ITGB6: variants seen among roughly 807,000 people sequenced by gnomAD.
The protein encoded by ITGB6 is integrin beta-6.
A neutral mutation model predicts 84.5 loss-of-function variants in ITGB6; 80 were observed. The observed-to-expected ratio is 0.95, with a 90% CI of 0.79 to 1.14. The LOEUF is 1.14. Ranked by LOEUF, ITGB6 falls within the 50% of genes most tolerant of loss-of-function variation. The pLI is 0.00. For synonymous variants in ITGB6, 383 were observed against 354.9 expected (o/e 1.08, Z -0.89); for missense variants, 1,006 against 968.0 (o/e 1.04, Z -0.52).
At chr2:160,175,411 C>A (rs1685379986) in intron 4 of ITGB6, among the ~76,000 whole-genome samples, 1 of 152,166 alleles carries the variant, frequency 6.6e-6, no homozygotes, top group Admixed American at 6.5e-5. Flanking sequence ...AACAAAAAAA[C>A]CCAAAACAAA....
At chr2:160,199,869 A>G (rs1686488849) in intron 1 of ITGB6, 134 bp downstream of exon 1, 8 of 679,404 alleles carry the variant, frequency 1.2e-5, no homozygotes, top group Middle Eastern at 2.8e-4. Flanking sequence ...GTAATTTGTT[A>G]AAGTGTTCAC....
At chr2:160,135,370 A>C (rs1440184818) in intron 10 of ITGB6, among the ~76,000 whole-genome samples, 3 of 151,320 alleles carry the variant, frequency 2.0e-5, no homozygotes, top group African/African-American at 7.3e-5. Context: ...CTCTTCAAGG[A>C]GAACTACAAA....
intron 4 of ITGB6, among the ~76,000 whole-genome samples, chr2:160,189,106 G>A (rs1485415125): frequency 2.0e-5 from 3 of 152,104 alleles, no homozygotes; most frequent in Non-Finnish European, 4.4e-5. Context: ...ATGGGGAAAG[G>A]ATTCCCTATT....
In ITGB6 at chr2:160,196,248, G is replaced by T; in HGVS notation, c.314C>A (p.Ala105Glu). The change falls in exon 3 of 15, where the codon GCG (alanine) becomes GAG (glutamate). Residue 105 changes from alanine to glutamate, a missense_variant. Coordinates refer to ENST00000283249, the MANE Select transcript of ITGB6 (RefSeq NM_000888.5). ...QKNSSDIVQIAPQSLILKLRP... is the reference protein window; with the variant it reads ...QKNSSDIVQIEPQSLILKLRP... The stretch of plus-strand genomic sequence containing the variant: ...CAACTTAAGGATCAAGCTTTGAGGC[G>T]CAATCTGAACAATGTCAGAACTATT... The T allele has an allele frequency of 1.2e-6, 2 of 1,613,870 alleles. No homozygotes were observed. Among genetic ancestry groups the T allele is most frequent in the Non-Finnish European group, 1.7e-6 (2 of 1,179,888 alleles).
At chr2:160,187,979 G>GA (rs1396915239) in intron 4 of ITGB6, among the ~76,000 whole-genome samples, 1 of 152,082 alleles carries the variant, frequency 6.6e-6, no homozygotes, top group Non-Finnish European at 1.5e-5. Context: ...ATGAGAGCGA[G>GA]AAAAAATTAA....
chr2:160,189,620 C>T (rs1686056077), intron 4 of ITGB6, among the ~76,000 whole-genome samples: 1 of 152,090 alleles, frequency 6.6e-6, no homozygotes, highest in South Asian at 2.1e-4. Flanking sequence ...TCATCACTGG[C>T]CATCAGAGAA....
At position 160,174,116 on chromosome 2, in the gene ITGB6, G is replaced by C; in HGVS notation, c.617C>G (p.Pro206Arg). The change falls in exon 5 of 15, where the codon CCT becomes CGT. Residue 206 changes from proline (P) to arginine (R), a missense_variant. Pro to Arg is a moderately radical substitution (Grantham distance 103, BLOSUM62 -2). Coordinates refer to ENST00000283249, the MANE Select transcript of ITGB6 (RefSeq NM_000888.5). ...CAAAATGTGCTTGAATCCAAATGTA[G>C]GTAAACAGAAGTATGGAATACTACT... ...PCSSIPYFCL[P>R]TFGFKHILPL... 1.9e-6 allele frequency: 3 copies of C among 1,609,084 alleles called. No homozygotes were observed. Among genetic ancestry groups the C allele is most frequent in the African/African-American group, 1.3e-5 (1 of 74,828 alleles).
At chr2:160,183,263 C>T (rs770927992) in intron 4 of ITGB6, among the ~76,000 whole-genome samples, 10 of 152,006 alleles carry the variant, frequency 6.6e-5, no homozygotes, top group South Asian at 2.1e-4. Flanking sequence ...TACAAAGACA[C>T]GCATGGGCTC....
chr2:160,178,688 C>CTTTTTT (rs746675372), intron 4 of ITGB6, among the ~76,000 whole-genome samples: 4 of 103,746 alleles, frequency 3.9e-5, no homozygotes, highest in African/African-American at 1.0e-4. Flanking sequence ...CTCTCTCTCT[C>CTTTTTT]TTTTTTTTTT....
chr2:160,199,400 A>G, intron 1 of ITGB6, 142 bp from the exon 2 acceptor site: 1 of 605,600 alleles, frequency 1.7e-6, no homozygotes, highest in Non-Finnish European at 3.0e-6. Context: ...AAATGTTAGC[A>G]ATTCACATAA....
intron 14 of ITGB6, among the ~76,000 whole-genome samples, chr2:160,103,858 T>C (rs75229896): frequency 0.034 from 5,248 of 152,220 alleles, 137 homozygotes; most frequent in South Asian, 0.077. Flanking sequence ...AGGGCCAGCT[T>C]AGAGCTCCGT....
intron 6 of ITGB6, among the ~76,000 whole-genome samples, chr2:160,172,163 T>C (rs550171557): frequency 1.5e-4 from 23 of 152,368 alleles, no homozygotes; most frequent in African/African-American, 5.3e-4. Flanking sequence ...GACTAGTTGT[T>C]ACCCATGGAA....
chr2:160,108,252 T>TGTGTGTGC (rs1440154947), intron 13 of ITGB6, among the ~76,000 whole-genome samples: 17 of 148,186 alleles, frequency 1.1e-4, no homozygotes, highest in African/African-American at 3.9e-4. Context: ...TGTGTGTGTG[T>TGTGTGTGC]GTGCTGCATG....
In ITGB6 at chr2:160,138,344, A is replaced by G. The variant is rs1683856855; in HGVS notation, c.1108-145T>C. ...GAAATTCAGTATATCATCAATCAAA[A>G]GCAAGAAAGTGAGCAATCATATATA... On this transcript the variant is annotated intron_variant, in intron 8 of 14. Transcript: ENST00000283249. The G allele has an allele frequency of 4.2e-6, 3 of 707,278 alleles. No homozygotes were observed. The East Asian group carries it at 8.3e-5, about 20-fold the overall frequency. The allele number at this position is 707,278 out of a possible 1,614,324, so 43.8% of individuals were successfully genotyped here.
At chr2:160,163,830 T>C (rs1269350826) in intron 7 of ITGB6, among the ~76,000 whole-genome samples, 4 of 152,186 alleles carry the variant, frequency 2.6e-5, no homozygotes, top group Non-Finnish European at 5.9e-5. Flanking sequence ...GGAGTTTAAA[T>C]GATAAAATGA....
At chr2:160,161,008 A>G (rs899919989) in intron 7 of ITGB6, among the ~76,000 whole-genome samples, 2 of 152,214 alleles carry the variant, frequency 1.3e-5, no homozygotes, top group Admixed American at 6.5e-5. Flanking sequence ...CAGGCATAAG[A>G]AAATGAATAC....
Position 160,101,817 on chromosome 2 carries a change from G to T in ITGB6, c.2286C>A (p.Tyr762Ter). The stretch of plus-strand genomic sequence containing the variant: ...TTTTAAAAGTACTTGTGGATCCTCT[G>T]TAGAGTGGATTGGTTCCCTGGAAAA... ...AKWQTGTNPL[Y>*]RGSTSTFKNV... Residue 762 changes from tyrosine to a stop codon, truncating the protein, a stop_gained, in exon 15 of 15, where the codon TAC becomes TAA. Transcript: ENST00000283249. LOFTEE classifies it high-confidence loss of function. The T allele has an allele frequency of 6.4e-7, 1 of 1,568,350 alleles. No homozygotes were observed. The highest frequency in any genetic ancestry group is 8.7e-7 in the Non-Finnish European group (1 of 1,148,854).
intron 7 of ITGB6, among the ~76,000 whole-genome samples, chr2:160,151,940 T>C (rs189488194): frequency 6.6e-6 from 1 of 152,260 alleles, no homozygotes; most frequent in Admixed American, 6.5e-5. Context: ...GGCTCCAAAA[T>C]TGAGGCAATA....
intron 12 of ITGB6, among the ~76,000 whole-genome samples, chr2:160,117,699 C>A (rs1291911319): frequency 2.6e-5 from 4 of 152,046 alleles, no homozygotes; most frequent in Non-Finnish European, 5.9e-5. Flanking sequence ...ACACAAAAAA[C>A]CCTTCAAAAA....
Sources: allele counts gnomAD v4.1 joint callset (sites outside exome capture counted in the v4.1 genomes callset), GRCh38; gene constraint gnomAD v4.1.1; transcripts MANE v1.5; gene names NCBI Gene and HGNC (gene_info 2026-07-23, HGNC 2026-07-21).